The following DENND2C variants were observed in gnomAD, a reference collection of about 807,000 sequenced individuals.
The protein encoded by DENND2C is DENN domain-containing protein 2C.
Under a neutral mutation model 112.4 loss-of-function variants are expected in DENND2C, and 72 were observed. That is an observed-to-expected ratio of 0.64 (90% CI 0.53 to 0.78). DENND2C has a LOEUF of 0.78. DENND2C is among the 30% of genes least tolerant of loss of function. The pLI, the probability that DENND2C is intolerant of heterozygous loss-of-function variation, is 0.00. For missense variants in DENND2C, 992 were observed against 1,113.8 expected, an observed-to-expected ratio of 0.89 and a Z score of 1.56; for synonymous variants, 329 against 381.6, an observed-to-expected ratio of 0.86 and a Z score of 1.61.
intron 1 of DENND2C, among the ~76,000 whole-genome samples, chr1:114,658,455 A>C (rs1260639058): frequency 6.6e-6 from 1 of 152,158 alleles, no homozygotes; most frequent in Non-Finnish European, 1.5e-5. Context: ...ATTTGGTAAG[A>C]GGGCATTAAA....
chr1:114,587,301 C>A, intron 20 of DENND2C, 86 bp downstream of exon 20: 22 of 1,462,598 alleles, frequency 1.5e-5, no homozygotes, highest in Non-Finnish European at 2.0e-5. Flanking sequence ...CCTTACTTGA[C>A]CTCGCAAAGT....
At chr1:114,655,170 G>A (rs1657273770) in intron 1 of DENND2C, among the ~76,000 whole-genome samples, 1 of 152,150 alleles carries the variant, frequency 6.6e-6, no homozygotes, top group African/African-American at 2.4e-5. Flanking sequence ...ATCCTCATTT[G>A]CACACAGAAA....
intron 3 of DENND2C, among the ~76,000 whole-genome samples, chr1:114,629,043 T>C (rs977922625): frequency 2.0e-5 from 3 of 152,176 alleles, no homozygotes; most frequent in Admixed American, 6.6e-5. Context: ...GAAACAGAGG[T>C]TGAGAAAATC....
intron 3 of DENND2C, among the ~76,000 whole-genome samples, chr1:114,636,858 A>T (rs191210472): frequency 1.3e-5 from 2 of 152,104 alleles, no homozygotes; most frequent in African/African-American, 4.8e-5. Flanking sequence ...CTCAGAACAC[A>T]TGGTCAGTAT....
chr1:114,615,818 G>T (rs559978233), intron 8 of DENND2C, among the ~76,000 whole-genome samples: 1 of 152,344 alleles, frequency 6.6e-6, no homozygotes, highest in African/African-American at 2.4e-5. Context: ...GCTCACGCCT[G>T]TAATCCCAGC....
At chr1:114,622,955 A>G (rs1656206664) in intron 6 of DENND2C, 32 bp downstream of exon 6, 3 of 1,516,440 alleles carry the variant, frequency 2.0e-6, no homozygotes, top group Non-Finnish European at 2.7e-6. Flanking sequence ...ATAAGATTCT[A>G]ATGTTTTCTT....
chr1:114,594,862 T>G (rs222496), intron 17 of DENND2C, among the ~76,000 whole-genome samples: 38 of 152,336 alleles, frequency 2.5e-4, no homozygotes, highest in African/African-American at 8.7e-4. Flanking sequence ...CATCCACAAA[T>G]AGTGTTTCAA....
intron 10 of DENND2C, among the ~76,000 whole-genome samples, chr1:114,606,446 CAG>C (rs1371639298): frequency 5.3e-5 from 8 of 152,084 alleles, no homozygotes; most frequent in African/African-American, 1.9e-4. Context: ...ACATGTAACT[CAG>C]GGTTATAAAC....
At chr1:114,600,669 T>C in intron 14 of DENND2C, 151 bp downstream of exon 14, 2 of 1,108,518 alleles carry the variant, frequency 1.8e-6, no homozygotes, top group Admixed American at 3.0e-5. Flanking sequence ...ACAGATCAAC[T>C]GGATATTTCT....
intron 20 of DENND2C, among the ~76,000 whole-genome samples, chr1:114,586,363 T>G (rs1393618050): frequency 2.0e-5 from 3 of 152,198 alleles, no homozygotes; most frequent in Non-Finnish European, 4.4e-5. Context: ...ATTTATATGC[T>G]GTAAATACAT....
chr1:114,667,395 ATACT>A (rs1657675490), intron 1 of DENND2C, among the ~76,000 whole-genome samples: 1 of 152,180 alleles, frequency 6.6e-6, no homozygotes, highest in African/African-American at 2.4e-5. Flanking sequence ...CTTGAATCTA[ATACT>A]TAATTTACAG....
intron 3 of DENND2C, among the ~76,000 whole-genome samples, chr1:114,639,277 T>C (rs1656750040): frequency 1.3e-5 from 2 of 152,282 alleles, no homozygotes; most frequent in South Asian, 4.1e-4. Context: ...TAACATATAA[T>C]TGCTATATGA....
intron 3 of DENND2C, among the ~76,000 whole-genome samples, chr1:114,643,142 A>C (rs1023491813): frequency 4.6e-5 from 7 of 152,198 alleles, no homozygotes; most frequent in African/African-American, 1.7e-4. Flanking sequence ...AATAGTGACA[A>C]GTAAATGCTT....
rs201584682 is a variant in DENND2C at position 114,608,861 on chromosome 1, C to T, written c.1382G>A (p.Arg461His). 4.3e-4 allele frequency: 688 copies of T among 1,613,932 alleles called. 4 individuals carry two copies. The highest frequency in any genetic ancestry group is 1.9e-3 in the South Asian group (170 of 91,058). Reference sequence around the variant, plus strand: ...GGAAGACGGTTGCAGTTGTGCTAAGCGTTTATGGCGATCTGTAATGAAATC... The same window carrying T: ...GGAAGACGGTTGCAGTTGTGCTAAGTGTTTATGGCGATCTGTAATGAAATC... ...AEYLPKNRHKRLAQLQPSSKR... is the reference protein window; with the variant it reads ...AEYLPKNRHKHLAQLQPSSKR... Residue 461 changes from arginine (R) to histidine (H), a missense_variant, in exon 10 of 21, where the codon CGC (arginine) becomes CAC (histidine). Transcript: ENST00000393274.
chr1:114,587,574 AAC>A (rs1655073461), intron 19 of DENND2C, 101 bp from the exon 20 acceptor site: 1 of 1,464,674 alleles, frequency 6.8e-7, no homozygotes, highest in Non-Finnish European at 9.4e-7. Context: ...CCAGGGCTAA[AAC>A]AATATTACAA....
intron 3 of DENND2C, among the ~76,000 whole-genome samples, chr1:114,630,286 G>T (rs780336606): frequency 2.0e-5 from 3 of 151,226 alleles, no homozygotes; most frequent in Non-Finnish European, 4.4e-5. Flanking sequence ...CCAGTCTGGC[G>T]ACAGAGCGAG....
chr1:114,607,293 G>C (rs1655685168), intron 10 of DENND2C, among the ~76,000 whole-genome samples: 1 of 152,120 alleles, frequency 6.6e-6, no homozygotes, highest in African/African-American at 2.4e-5. Context: ...TTTCAAGATG[G>C]TGACTGCAGA....
chr1:114,603,101 T>C (rs1474616523), intron 11 of DENND2C, among the ~76,000 whole-genome samples: 1 of 151,626 alleles, frequency 6.6e-6, no homozygotes, highest in African/African-American at 2.4e-5. Flanking sequence ...AACCTAAATA[T>C]ACCCAAGAAA....
At chr1:114,616,000 G>A (rs952651065) in intron 8 of DENND2C, among the ~76,000 whole-genome samples, 1 of 152,034 alleles carries the variant, frequency 6.6e-6, no homozygotes, top group Non-Finnish European at 1.5e-5. Context: ...GCATGAACCC[G>A]GGAGGCGGAG....
Sources: allele counts gnomAD v4.1 joint callset (sites outside exome capture counted in the v4.1 genomes callset), GRCh38; gene constraint gnomAD v4.1.1; transcripts MANE v1.5; gene names NCBI Gene and HGNC (gene_info 2026-07-23, HGNC 2026-07-21).